GLG1: variants seen among roughly 807,000 people sequenced by gnomAD.
The protein encoded by GLG1 is golgi glycoprotein 1.
A neutral mutation model predicts 160.5 loss-of-function variants in GLG1; 38 were observed. That is an observed-to-expected ratio of 0.24 (90% CI 0.18 to 0.31). GLG1 has a LOEUF of 0.31. Among genes scored for constraint, GLG1 ranks in the 10% least tolerant of loss-of-function variants. The probability of loss-of-function intolerance (pLI) is 1.00; values close to 1 mark genes in which losing one functional copy is unlikely to be tolerated. For missense variants in GLG1, 1,373 were observed against 1,505.2 expected (o/e 0.91, Z 1.45); for synonymous variants, 644 against 543.4 (o/e 1.19, Z -2.57).
chr16:74,489,448 G>T (rs1181380060), intron 8 of GLG1, among the ~76,000 whole-genome samples: 2 of 151,472 alleles, frequency 1.3e-5, no homozygotes, highest in Non-Finnish European at 2.9e-5. Context: ...TCCAGCCTGG[G>T]CAACAAGAGT....
At chr16:74,485,994 G>C in intron 8 of GLG1, 77 bp from the exon 9 acceptor site, 1 of 1,136,990 alleles carries the variant, frequency 8.8e-7, no homozygotes, top group Non-Finnish European at 1.3e-6. Context: ...CATACATTCA[G>C]TTGCTCAGTC....
Position 74,491,113 on chromosome 16 carries a change from C to T in GLG1, c.1337G>A (p.Gly446Glu), listed in dbSNP as rs749228997. Reference protein sequence around the residue: ...LSPEIILSCRGEIEHHCSGLH... With the variant: ...LSPEIILSCREEIEHHCSGLH... ...TCCGGAACAATGGTGTTCAATCTCC[C>T]CCCGACAGCTTAGGATGATCTCAGG... is the stretch of plus-strand genomic sequence containing the variant. The change falls in exon 8 of 26, where the codon GGG becomes GAG. Residue 446 changes from glycine to glutamate, a missense_variant. Transcript: ENST00000422840. 6.2e-7 allele frequency: 1 copy of T among 1,613,936 alleles called. No individual in the cohort carries two copies. The highest frequency in any genetic ancestry group is 1.3e-5 in the African/African-American group (1 of 74,904).
intron 4 of GLG1, 30 bp from the exon 5 acceptor site, chr16:74,496,674 A>ATCTT: frequency 7.0e-7 from 1 of 1,424,296 alleles, no homozygotes; most frequent in South Asian, 1.1e-5. Flanking sequence ...AATATTTTAA[A>ATCTT]ACTTTTATCA....
At chr16:74,473,002 T>C (rs1278118155) in intron 13 of GLG1, 1 of 154,766 alleles carries the variant, frequency 6.5e-6, no homozygotes, top group Non-Finnish European at 1.4e-5. Context: ...GGCAATGAAC[T>C]TCTGAAAACT....
At chr16:74,484,939 G>T (rs911890055) in intron 9 of GLG1, among the ~76,000 whole-genome samples, 4 of 151,820 alleles carry the variant, frequency 2.6e-5, no homozygotes, top group African/African-American at 9.7e-5. Flanking sequence ...TTTGAGACAG[G>T]GTTTTGCTCT....
chr16:74,555,655 C>A (rs563407315), intron 1 of GLG1, among the ~76,000 whole-genome samples: 1 of 151,706 alleles, frequency 6.6e-6, no homozygotes, highest in Non-Finnish European at 1.5e-5. Flanking sequence ...CTCCATTGTG[C>A]TCCAGCCTGG....
intron 4 of GLG1, among the ~76,000 whole-genome samples, chr16:74,500,390 T>A (rs760637042): frequency 1.3e-5 from 2 of 152,268 alleles, no homozygotes; most frequent in Admixed American, 6.5e-5. Flanking sequence ...TGCCATTGCC[T>A]TGATCCGTTT....
chr16:74,512,399 G>T (rs1191056393), intron 2 of GLG1, among the ~76,000 whole-genome samples: 2 of 151,726 alleles, frequency 1.3e-5, no homozygotes, highest in Admixed American at 6.6e-5. Context: ...TACTAGCTGG[G>T]ATTACAGGTG....
chr16:74,460,461 C>A (rs2014745306), intron 22 of GLG1, among the ~76,000 whole-genome samples: 1 of 152,214 alleles, frequency 6.6e-6, no homozygotes, highest in Admixed American at 6.5e-5. Context: ...CCGGCCTGAA[C>A]TGACAGTTTC....
chr16:74,508,178 A>G (rs1236762861), intron 3 of GLG1, among the ~76,000 whole-genome samples: 2 of 152,138 alleles, frequency 1.3e-5, no homozygotes. Flanking sequence ...CAATAGGGCC[A>G]GCTTGAGGAC....
rs140490111 is a variant in GLG1, at chr16:74,569,806, G to A, written c.438+36851C>T. Among the ~76,000 whole-genome samples the A allele has an allele frequency of 4.9e-4, 72 of 147,850 alleles. No individual in the cohort carries two copies. The East Asian group carries it at 5.8e-3, about 12-fold the overall frequency. On this transcript the variant is annotated intron_variant, in intron 1 of 25. Transcript: ENST00000422840. Reference sequence around the variant, plus strand: ...TGAACCTGGGGAACAGAGTTCCAGCGAGCCAAGATCACGCCACTGCACCCT... The same window carrying A: ...TGAACCTGGGGAACAGAGTTCCAGCAAGCCAAGATCACGCCACTGCACCCT...
chr16:74,571,893 G>A (rs1249477403), intron 1 of GLG1, among the ~76,000 whole-genome samples: 1 of 152,192 alleles, frequency 6.6e-6, no homozygotes, highest in African/African-American at 2.4e-5. Flanking sequence ...GTTTGGGGTG[G>A]TGTGTTCCCA....
intron 10 of GLG1, among the ~76,000 whole-genome samples, chr16:74,480,970 A>C (rs1240569959): frequency 6.6e-6 from 1 of 152,204 alleles, no homozygotes; most frequent in Non-Finnish European, 1.5e-5. Flanking sequence ...TCTCTCAAAG[A>C]TATCTTGGCT....
chr16:74,593,001 G>A (rs1328934729), intron 1 of GLG1, among the ~76,000 whole-genome samples: 1 of 152,116 alleles, frequency 6.6e-6, no homozygotes, highest in African/African-American at 2.4e-5. Context: ...ATAAAAGGAT[G>A]AGTTCTGCAC....
chr16:74,601,728 T>C (rs1049239124), intron 1 of GLG1, among the ~76,000 whole-genome samples: 2 of 152,182 alleles, frequency 1.3e-5, no homozygotes, highest in African/African-American at 4.8e-5. Context: ...GCCTGAGAAA[T>C]CTACAAATAC....
chr16:74,495,197 T>A (rs2016141921), intron 5 of GLG1, among the ~76,000 whole-genome samples: 2 of 146,172 alleles, frequency 1.4e-5, no homozygotes, highest in African/African-American at 5.0e-5. Context: ...CGGTGCAACC[T>A]CTGCCTCCTG....
intron 1 of GLG1, among the ~76,000 whole-genome samples, chr16:74,539,734 CTGAG>C (rs1426444850): frequency 1.3e-5 from 2 of 149,320 alleles, no homozygotes; most frequent in Non-Finnish European, 3.0e-5. Context: ...CCAAAAAAGA[CTGAG>C]TAACTCCTGA....
At chr16:74,491,241 T>C in intron 7 of GLG1, 26 bp from the exon 8 acceptor site, 6 of 1,502,638 alleles carry the variant, frequency 4.0e-6, no homozygotes, top group Non-Finnish European at 5.6e-6. Flanking sequence ...AGTCATAACA[T>C]TACGAAGGGT....
chr16:74,493,724 G>A (rs2016084336), intron 6 of GLG1, among the ~76,000 whole-genome samples: 1 of 152,270 alleles, frequency 6.6e-6, no homozygotes, highest in South Asian at 2.1e-4. Flanking sequence ...CAGGGACAAA[G>A]AACTAAAAGA....
Sources: allele counts gnomAD v4.1 joint callset (sites outside exome capture counted in the v4.1 genomes callset), GRCh38; gene constraint gnomAD v4.1.1; transcripts MANE v1.5; gene names NCBI Gene and HGNC (gene_info 2026-07-23, HGNC 2026-07-21).